The following USP47 variants were observed in gnomAD, a reference collection of about 807,000 sequenced individuals.
USP47 encodes the protein ubiquitin specific peptidase 47.
A neutral mutation model predicts 165.1 loss-of-function variants in USP47; 35 were observed. The ratio of observed to expected loss-of-function variants is 0.21; its 90% confidence interval spans 0.16 to 0.28. USP47 has a LOEUF of 0.28. Among genes scored for constraint, USP47 ranks in the 10% least tolerant of loss-of-function variants. The pLI, the probability that USP47 is intolerant of heterozygous loss-of-function variation, is 1.00. For missense variants in USP47, 1,277 were observed against 1,607.4 expected (o/e 0.79, Z 3.52); for synonymous variants, 531 against 544.5 (o/e 0.98, Z 0.35).
chr11:11,868,432 T>C (rs1232343309), intron 1 of USP47, among the ~76,000 whole-genome samples: 1 of 152,182 alleles, frequency 6.6e-6, no homozygotes, highest in Non-Finnish European at 1.5e-5. Flanking sequence ...TTAGTATAAT[T>C]TTCTGGAAGT....
intron 1 of USP47, among the ~76,000 whole-genome samples, chr11:11,846,229 G>C (rs1226488072): frequency 2.0e-5 from 3 of 151,908 alleles, no homozygotes; most frequent in Non-Finnish European, 4.4e-5. Context: ...ATTATTGTTT[G>C]GTTGCTATTT....
At chr11:11,847,373 A>G (rs369438367) in intron 1 of USP47, among the ~76,000 whole-genome samples, 4 of 151,862 alleles carry the variant, frequency 2.6e-5, no homozygotes, top group South Asian at 2.1e-4. Flanking sequence ...TATAGCTTCA[A>G]CCTTTGATTG....
intron 10 of USP47, among the ~76,000 whole-genome samples, chr11:11,920,770 A>C (rs1448054039): frequency 1.3e-5 from 2 of 151,808 alleles, no homozygotes; most frequent in Non-Finnish European, 3.0e-5. Context: ...CTTTGGAATT[A>C]TTTCTTGAAG....
chr11:11,878,229 T>G (rs1338964005), intron 1 of USP47, among the ~76,000 whole-genome samples: 1 of 152,170 alleles, frequency 6.6e-6, no homozygotes. Flanking sequence ...CATTCTTATG[T>G]ATGATTACTA....
At chr11:11,929,898 T>A (rs1409618751) in intron 12 of USP47, 146 bp from the exon 13 acceptor site, 1 of 707,024 alleles carries the variant, frequency 1.4e-6, no homozygotes, top group Non-Finnish European at 2.3e-6. Flanking sequence ...CTGATTATGA[T>A]TAAATTTTGT....
intron 1 of USP47, among the ~76,000 whole-genome samples, chr11:11,864,193 A>T (rs554287541): frequency 6.6e-6 from 1 of 152,196 alleles, no homozygotes; most frequent in Admixed American, 6.5e-5. Context: ...TATTACAAGA[A>T]AAATGTAGGA....
At chr11:11,845,008 G>A (rs199849947) in intron 1 of USP47, among the ~76,000 whole-genome samples, 67 of 152,116 alleles carry the variant, frequency 4.4e-4, no homozygotes, top group African/African-American at 1.5e-3. Flanking sequence ...TTACATTTTC[G>A]AATTGTTGAA....
At chr11:11,925,114 T>TG (rs1854135854) in intron 11 of USP47, among the ~76,000 whole-genome samples, 1 of 149,884 alleles carries the variant, frequency 6.7e-6, no homozygotes, top group African/African-American at 2.4e-5. Context: ...AGTTTTTGGT[T>TG]TTTTTTTTTT....
intron 1 of USP47, among the ~76,000 whole-genome samples, chr11:11,842,507 G>A (rs1848187166): frequency 6.6e-6 from 1 of 152,230 alleles, no homozygotes; most frequent in South Asian, 2.1e-4. Context: ...GGAGAAGGTG[G>A]CCTTTTAAGT....
chr11:11,917,939 T>A (rs1030004274), intron 8 of USP47, among the ~76,000 whole-genome samples: 3 of 152,128 alleles, frequency 2.0e-5, no homozygotes, highest in African/African-American at 7.2e-5. Flanking sequence ...AATCTGTAAG[T>A]GGATGTTAAA....
At chr11:11,853,285 T>A (rs898127432) in intron 1 of USP47, among the ~76,000 whole-genome samples, 2 of 152,224 alleles carry the variant, frequency 1.3e-5, no homozygotes, top group African/African-American at 4.8e-5. Context: ...TTAGAACAAA[T>A]TCCTTGGTAT....
At chr11:11,954,056 C>G (rs1484714588) in intron 25 of USP47, among the ~76,000 whole-genome samples, 2 of 151,974 alleles carry the variant, frequency 1.3e-5, no homozygotes, top group African/African-American at 4.8e-5. Flanking sequence ...TCGAGACCAG[C>G]CTGGCCAACA....
At chr11:11,874,372 A>G (rs1850257109) in intron 1 of USP47, among the ~76,000 whole-genome samples, 1 of 152,036 alleles carries the variant, frequency 6.6e-6, no homozygotes, top group African/African-American at 2.4e-5. Context: ...TATCCTTCCC[A>G]AGTGTGGCAA....
At chr11:11,879,758 C>G (rs911202790) in intron 1 of USP47, among the ~76,000 whole-genome samples, 23 of 152,082 alleles carry the variant, frequency 1.5e-4, no homozygotes, top group African/African-American at 5.3e-4. Flanking sequence ...TGCACAATTC[C>G]CATTTTTTTT....
intron 3 of USP47, among the ~76,000 whole-genome samples, chr11:11,885,355 T>C (rs369182075): frequency 6.8e-4 from 103 of 152,172 alleles, no homozygotes; most frequent in African/African-American, 2.4e-3. Context: ...CTGAGACTGA[T>C]TAGGCAAACA....
intron 7 of USP47, 60 bp downstream of exon 7, chr11:11,903,402 A>G (rs772558919): frequency 2.7e-5 from 40 of 1,491,338 alleles, no homozygotes; most frequent in Non-Finnish European, 3.5e-5. Flanking sequence ...GTTACCCTAA[A>G]TGACTTTTAT....
chr11:11,924,722 T>C (rs981854217), intron 11 of USP47, among the ~76,000 whole-genome samples: 18 of 152,194 alleles, frequency 1.2e-4, no homozygotes, highest in Non-Finnish European at 1.9e-4. Context: ...TTATCTGTGT[T>C]ATCAAACTTG....
chr11:11,940,216 A>G (rs1855370067), intron 18 of USP47, among the ~76,000 whole-genome samples: 1 of 152,024 alleles, frequency 6.6e-6, no homozygotes, highest in African/African-American at 2.4e-5. Context: ...ATACATTTAT[A>G]AATGGTACTT....
chr11:11,903,324 A>G lies in USP47; in HGVS notation c.801A>G (p.Lys267=). ...CRVMFDALEQ[K]WKQTEQADLI... ...TCATGTTTGATGCTTTGGAACAGAA[A>G]TGGAAGCAAACAGAACAGGTAATTT... The change falls in exon 7 of 28, where the codon AAA becomes AAG. Residue 267 remains lysine, a synonymous_variant. Coordinates refer to ENST00000527733, the MANE Select transcript of USP47 (RefSeq NM_001282659.2). The G allele has an allele frequency of 6.2e-7, 1 of 1,612,604 alleles. No homozygotes were observed. The highest frequency in any genetic ancestry group is 1.1e-5 in the South Asian group (1 of 90,804).
Sources: allele counts gnomAD v4.1 joint callset (sites outside exome capture counted in the v4.1 genomes callset), GRCh38; gene constraint gnomAD v4.1.1; transcripts MANE v1.5; gene names NCBI Gene and HGNC (gene_info 2026-07-23, HGNC 2026-07-21).